The following SVOPL variants were observed in gnomAD, a reference collection of about 807,000 sequenced individuals.
SVOPL encodes the protein SVOP like, also known as putative transporter SVOPL.
Under a neutral mutation model 61.0 loss-of-function variants are expected in SVOPL, and 60 were observed. The observed-to-expected ratio is 0.98, with a 90% CI of 0.80 to 1.22. SVOPL has a LOEUF of 1.22. Among genes scored for constraint, SVOPL ranks in the 50% most tolerant of loss-of-function variants. The probability of loss-of-function intolerance (pLI) is 0.00; values close to 1 mark genes in which losing one functional copy is unlikely to be tolerated. For missense variants in SVOPL, 662 were observed against 643.9 expected, an observed-to-expected ratio of 1.03 and a Z score of -0.30; for synonymous variants, 279 against 250.0, an observed-to-expected ratio of 1.12 and a Z score of -1.09.
chr7:138,634,572 C>T (rs1276099650), intron 9 of SVOPL, among the ~76,000 whole-genome samples: 2 of 152,022 alleles, frequency 1.3e-5, no homozygotes, highest in African/African-American at 2.4e-5. Context: ...CACTTGAGCT[C>T]AGCAGGTTGA....
Position 138,628,242 on chromosome 7 carries a change from C to G in SVOPL, c.985G>C (p.Glu329Gln). The change falls in exon 11 of 16, where the codon GAG becomes CAG. Residue 329 changes from glutamate (E) to glutamine (Q), a missense_variant. By Grantham distance (29) the Glu-to-Gln change is conservative. Transcript: ENST00000674285. Reference protein sequence around the residue: ...AVVVTGGDSGESQSPCYCHMF... With the variant: ...AVVVTGGDSGQSQSPCYCHMF... ...TGGCAGTAGCAGGGGCTCTGGCTCT[C>G]CCCTGAGTCCCCCCCAGTCACCACC... 2 of 1,614,184 alleles carry G rather than the reference C, an allele frequency of 1.2e-6. No individual in the cohort carries two copies. The highest frequency in any genetic ancestry group is 2.2e-5 in the South Asian group (2 of 91,076).
At chr7:138,694,055 C>G (rs189153943) in intron 1 of SVOPL, among the ~76,000 whole-genome samples, 3 of 152,216 alleles carry the variant, frequency 2.0e-5, no homozygotes, top group African/African-American at 7.2e-5. Flanking sequence ...CTGATTATAC[C>G]AAGTGCAAGG....
rs1563096502 is a variant in SVOPL, at chr7:138,622,182, GTATCTATCTATCTATCTATGTATC to G, written c.1264-1071_1264-1048del. Among the ~76,000 whole-genome samples, 24 of 47,406 alleles carry G rather than the reference GTATCTATCTATCTATCTATGTATC, an allele frequency of 5.1e-4. 1 individual carries two copies. The highest frequency in any genetic ancestry group is 1.4e-3 in the African/African-American group (14 of 9,858). The allele number at this position is 47,406 out of a possible 152,430, so 31.1% of individuals were successfully genotyped here. A position where few individuals can be genotyped will look rare whatever the true frequency, so the allele number is the denominator to read the frequency against. Reference sequence around the variant, plus strand: ...TCTGTCTATGTATCTATCTGTCTATGTATCTATCTATCTATCTATGTATCTATCTATCTATCTATGTATCTATCT... The same window carrying G: ...TCTGTCTATGTATCTATCTGTCTATGTATCTATCTATCTATGTATCTATCT... On this transcript the variant is annotated intron_variant, in intron 13 of 15. Transcript: ENST00000674285.
At chr7:138,670,633 T>C (rs1802391009) in intron 4 of SVOPL, among the ~76,000 whole-genome samples, 1 of 152,202 alleles carries the variant, frequency 6.6e-6, no homozygotes, top group African/African-American at 2.4e-5. Flanking sequence ...CTTTAAAAAA[T>C]GCTTGCCTCC....
In SVOPL at chr7:138,622,494, G is replaced by A. The variant is rs1027412150; in HGVS notation, c.1264-1359C>T. On this transcript the variant is annotated intron_variant, in intron 13 of 15. Transcript: ENST00000674285. Reference sequence around the variant, plus strand: ...ATTTTTAGTGGAGGCAGCGGCGGGCGGGGGGTCTCTCCAAGTTGGCCGGGT... The same window carrying A: ...ATTTTTAGTGGAGGCAGCGGCGGGCAGGGGGTCTCTCCAAGTTGGCCGGGT... 5.5e-3 allele frequency among the ~76,000 whole-genome samples: 339 copies of A among 61,346 alleles called. 2 individuals are homozygous for A. The highest frequency in any genetic ancestry group is 0.034 in the African/African-American group (324 of 9,668). The allele number at this position is 61,346 out of a possible 152,430, so 40.2% of individuals were successfully genotyped here. A position where few individuals can be genotyped will look rare whatever the true frequency, so the allele number is the denominator to read the frequency against.
Position 138,594,612 on chromosome 7 carries a change from A to G in SVOPL, c.1477T>C (p.Ter493ArgextTer24), listed in dbSNP as rs1364474145. The change falls in exon 16 of 16, where the codon TGA (stop) becomes CGA (arginine). Residue 493 changes from the stop codon to arginine, a stop_lost. Transcript: ENST00000674285. ...TKGRALQQIK[*>R] ...GGTAGACATAGCTTTGCAGGTCTTC[A>G]TTTAATTTGCTGGAAGAAAGTTATT... is the stretch of plus-strand genomic sequence containing the variant. 1 of 1,596,078 alleles carries G rather than the reference A, an allele frequency of 6.3e-7. No homozygotes were observed. The highest frequency in any genetic ancestry group is 8.5e-7 in the Non-Finnish European group (1 of 1,171,418).
intron 9 of SVOPL, 44 bp downstream of exon 9, chr7:138,644,673 G>C (rs142794651): frequency 6.2e-7 from 1 of 1,602,346 alleles, no homozygotes; most frequent in Non-Finnish European, 8.5e-7. Flanking sequence ...GGATTTCCCA[G>C]TGGCCACTGG....
intron 14 of SVOPL, among the ~76,000 whole-genome samples, chr7:138,603,619 C>T (rs962814653): frequency 3.3e-5 from 5 of 152,136 alleles, no homozygotes; most frequent in African/African-American, 9.7e-5. Flanking sequence ...TTGCAGTGAG[C>T]GGAGATTGCA....
At chr7:138,632,888 G>A (rs982092254) in intron 9 of SVOPL, among the ~76,000 whole-genome samples, 1 of 152,182 alleles carries the variant, frequency 6.6e-6, no homozygotes, top group Non-Finnish European at 1.5e-5. Flanking sequence ...GCTATCCGTG[G>A]TTTTGAGTTA....
At chr7:138,622,202 GTATCTATC>G (rs1195847598) in intron 13 of SVOPL, among the ~76,000 whole-genome samples, 927 of 59,324 alleles carry the variant, frequency 0.016, 33 homozygotes, top group African/African-American at 0.051. Flanking sequence ...ATCTATCTAT[GTATCTATC>G]TATCTATCTA....
chr7:138,596,287 C>T lies in SVOPL; in HGVS notation c.1467+130G>A. On this transcript the variant is annotated intron_variant, in intron 15 of 15. Coordinates refer to ENST00000674285, the MANE Select transcript of SVOPL (RefSeq NM_001139456.2). ...AACAAAGTCCTTGTTATTCAAACTA[C>T]AACTTTACAGAAAGAAATCTGATAT... 6 of 726,622 alleles carry T rather than the reference C, an allele frequency of 8.3e-6. No individual in the cohort carries two copies. In the South Asian group the frequency reaches 1.4e-4, roughly 16 times the overall value. The allele number at this position is 726,622 out of a possible 1,614,324, so 45.0% of individuals were successfully genotyped here. A position where few individuals can be genotyped will look rare whatever the true frequency, so the allele number is the denominator to read the frequency against.
intron 14 of SVOPL, among the ~76,000 whole-genome samples, chr7:138,620,524 C>T (rs1799518242): frequency 1.3e-5 from 2 of 151,306 alleles, no homozygotes; most frequent in African/African-American, 2.4e-5. Context: ...CCCCCAGGGT[C>T]GCCATACCTG....
intron 9 of SVOPL, among the ~76,000 whole-genome samples, chr7:138,631,131 C>T (rs73164665): frequency 0.093 from 14,069 of 151,954 alleles, 738 homozygotes; most frequent in Admixed American, 0.15. Flanking sequence ...CCTGGGTGTC[C>T]TAGATTTTGT....
chr7:138,630,066 T>C lies in SVOPL; in HGVS notation c.846A>G (p.Leu282=), dbSNP rs1800102624. Residue 282 remains leucine (L), a synonymous_variant, in exon 10 of 16, where the codon TTA becomes TTG. Transcript: ENST00000674285. ...LLDAKYLRTT[L]QIWVIWLGIS... ...ACTCTTACCATATGACCCAGATCTG[T>C]AATGTGGTCCGTAAATATTTAGCAT... is the stretch of plus-strand genomic sequence containing the variant. 1.9e-6 allele frequency: 3 copies of C among 1,612,906 alleles called. No individual in the cohort carries two copies. The highest frequency in any genetic ancestry group is 3.3e-5 in the Admixed American group (2 of 59,986).
intron 14 of SVOPL, among the ~76,000 whole-genome samples, chr7:138,619,143 C>T (rs1363589084): frequency 1.3e-5 from 2 of 152,170 alleles, no homozygotes; most frequent in African/African-American, 2.4e-5. Context: ...TGCAGTGGCT[C>T]ACACCTGTAA....
chr7:138,657,146 ATTT>A (rs2117060325), intron 6 of SVOPL, among the ~76,000 whole-genome samples: 1 of 92,112 alleles, frequency 1.1e-5, no homozygotes, highest in Admixed American at 9.9e-5. Flanking sequence ...TTATTTATTT[ATTT>A]ATTTATTTAT....
chr7:138,642,287 C>CAAAAAAAAAAAAAAAAAAAAA (rs79469915), intron 9 of SVOPL, among the ~76,000 whole-genome samples: 1 of 111,672 alleles, frequency 9.0e-6, no homozygotes, highest in African/African-American at 3.6e-5. Context: ...GGAAATTAGC[C>CAAAAAAAAAAAAAAAAAAAAA]AAAAAAAAAA....
At chr7:138,651,203 G>T (rs1460907321) in intron 7 of SVOPL, among the ~76,000 whole-genome samples, 1 of 152,140 alleles carries the variant, frequency 6.6e-6, no homozygotes, top group African/African-American at 2.4e-5. Context: ...GTGGAAGAAA[G>T]TTTATCCTGG....
At chr7:138,634,986 G>A (rs2116947617) in intron 9 of SVOPL, among the ~76,000 whole-genome samples, 1 of 152,032 alleles carries the variant, frequency 6.6e-6, no homozygotes, top group East Asian at 2.0e-4. Context: ...AGGTTAATAT[G>A]GGCCGGGCGC....
Sources: allele counts gnomAD v4.1 joint callset (sites outside exome capture counted in the v4.1 genomes callset), GRCh38; gene constraint gnomAD v4.1.1; transcripts MANE v1.5; gene names NCBI Gene and HGNC (gene_info 2026-07-23, HGNC 2026-07-21).